ADAM10: variants seen among roughly 807,000 people sequenced by gnomAD.
The protein encoded by ADAM10 is ADAM metallopeptidase domain 10, also known as disintegrin and metalloproteinase domain-containing protein 10.
Under a neutral mutation model 90.1 loss-of-function variants are expected in ADAM10, and 17 were observed. That is an observed-to-expected ratio of 0.19 (90% CI 0.13 to 0.28). The LOEUF (loss-of-function observed/expected upper bound fraction) is 0.28. ADAM10 is among the 10% of genes least tolerant of loss of function. ADAM10 has a pLI of 1.00. For missense variants in ADAM10, 610 were observed against 914.3 expected (o/e 0.67, Z 4.29); for synonymous variants, 310 against 298.6 (o/e 1.04, Z -0.40).
chr15:58,651,710 G>C (rs1896691968), intron 5 of ADAM10, among the ~76,000 whole-genome samples: 1 of 152,176 alleles, frequency 6.6e-6, no homozygotes, highest in Non-Finnish European at 1.5e-5. Context: ...GAACAGTGCA[G>C]CAACAAACAT....
At chr15:58,726,890 A>AGGAGG (rs577917789) in intron 1 of ADAM10, among the ~76,000 whole-genome samples, 19 of 134,804 alleles carry the variant, frequency 1.4e-4, no homozygotes, top group Non-Finnish European at 2.2e-4. Context: ...GGGAGGGGAG[A>AGGAGG]GGAGGGGAGG....
chr15:58,650,758 T>C (rs1418258225), intron 5 of ADAM10, among the ~76,000 whole-genome samples: 1 of 152,190 alleles, frequency 6.6e-6, no homozygotes, highest in Non-Finnish European at 1.5e-5. Context: ...AAAACACGTA[T>C]ATGGAAATAT....
chr15:58,647,263 T>C (rs1262914263), intron 5 of ADAM10, among the ~76,000 whole-genome samples: 1 of 111,744 alleles, frequency 8.9e-6, no homozygotes, highest in Non-Finnish European at 1.9e-5. Context: ...TTTTTTTTTT[T>C]TTTTTTTTTT....
At chr15:58,687,768 CA>C (rs1302140290) in intron 2 of ADAM10, among the ~76,000 whole-genome samples, 1 of 151,966 alleles carries the variant, frequency 6.6e-6, no homozygotes, top group Non-Finnish European at 1.5e-5. Context: ...GTACAAACTT[CA>C]AAAAAATTAT....
chr15:58,598,707 G>A (rs555638995), intron 15 of ADAM10, among the ~76,000 whole-genome samples: 3 of 152,296 alleles, frequency 2.0e-5, no homozygotes, highest in South Asian at 2.1e-4. Flanking sequence ...GAATAGCTAC[G>A]AATACCTTGG....
intron 1 of ADAM10, among the ~76,000 whole-genome samples, chr15:58,728,941 T>C (rs762185241): frequency 6.6e-6 from 1 of 152,168 alleles, no homozygotes; most frequent in Non-Finnish European, 1.5e-5. Flanking sequence ...ACCACAGGTC[T>C]TAAAAGAACA....
intron 8 of ADAM10, among the ~76,000 whole-genome samples, chr15:58,637,476 G>C (rs1429111959): frequency 6.6e-6 from 1 of 152,148 alleles, no homozygotes; most frequent in African/African-American, 2.4e-5. Context: ...AAACACACAA[G>C]AATCCTGTCT....
intron 4 of ADAM10, chr15:58,676,250 A>T: frequency 4.4e-6 from 2 of 455,408 alleles, no homozygotes; most frequent in Non-Finnish European, 8.8e-6. Flanking sequence ...GGAGGTCCAC[A>T]ATCAAGTGAC....
intron 6 of ADAM10, among the ~76,000 whole-genome samples, chr15:58,644,626 G>A (rs573855867): frequency 5.3e-5 from 8 of 152,176 alleles, no homozygotes; most frequent in Admixed American, 3.3e-4. Context: ...TTTCCTATGC[G>A]TAGAGTATCC....
In ADAM10 at chr15:58,706,549, A is replaced by G. The variant is rs189766074; in HGVS notation, c.206+11028T>C. Among the ~76,000 whole-genome samples, 624 of 152,288 alleles carry G rather than the reference A, an allele frequency of 4.1e-3. 7 individuals are homozygous for G. Among genetic ancestry groups the G allele is most frequent in the African/African-American group, 0.014 (573 of 41,558 alleles). The stretch of plus-strand genomic sequence containing the variant: ...TTATCTTCCACTAGTATACTTTTTA[A>G]AATAGAAAAGTCATTTTTTCAAGTT... On this transcript the variant is annotated intron_variant, in intron 2 of 15. Coordinates refer to ENST00000260408, the MANE Select transcript of ADAM10 (RefSeq NM_001110.4).
chr15:58,647,248 A>AGTTTTTTTTTTTTTTTT (rs1896571373), intron 5 of ADAM10, among the ~76,000 whole-genome samples: 1 of 59,602 alleles, frequency 1.7e-5, no homozygotes, highest in Non-Finnish European at 3.6e-5. Context: ...GACACTAAGT[A>AGTTTTTTTTTTTTTTTT]TTTTTTTTTT....
intron 5 of ADAM10, among the ~76,000 whole-genome samples, chr15:58,652,883 G>C (rs1480533545): frequency 6.6e-6 from 1 of 151,878 alleles, no homozygotes; most frequent in Admixed American, 6.6e-5. Context: ...ATTTTTTTCT[G>C]TCTTCTTCGA....
Position 58,636,293 on chromosome 15 carries a change from G to A in ADAM10, c.1013-2934C>T, listed in dbSNP as rs548307407. On this transcript the variant is annotated intron_variant, in intron 8 of 15. Transcript: ENST00000260408. ...CTTCGTTTCAAAAAAAAAAAAAAAG[G>A]AAGTTTAATATTTGTTGCAGGCTAA... 1.3e-3 allele frequency among the ~76,000 whole-genome samples: 196 copies of A among 151,306 alleles called. No homozygotes were observed. The Middle Eastern group carries it at 0.014, about 11-fold the overall frequency.
intron 4 of ADAM10, among the ~76,000 whole-genome samples, chr15:58,673,562 T>C (rs1343476045): frequency 1.3e-5 from 2 of 150,160 alleles, no homozygotes; most frequent in Non-Finnish European, 2.9e-5. Flanking sequence ...TGTATACATA[T>C]ACATACATAT....
At chr15:58,706,738 C>T (rs1251681228) in intron 2 of ADAM10, among the ~76,000 whole-genome samples, 9 of 152,054 alleles carry the variant, frequency 5.9e-5, no homozygotes, top group African/African-American at 2.2e-4. Context: ...CGGCCAGGTA[C>T]GGTGGCTCAT....
chr15:58,697,551 C>T (rs1041547856), intron 2 of ADAM10, among the ~76,000 whole-genome samples: 4 of 152,198 alleles, frequency 2.6e-5, no homozygotes, highest in Admixed American at 2.6e-4. Flanking sequence ...GGTCCCCAAC[C>T]ACATGCACCA....
At chr15:58,612,924 G>A (rs189029562) in intron 11 of ADAM10, among the ~76,000 whole-genome samples, 3 of 152,322 alleles carry the variant, frequency 2.0e-5, no homozygotes, top group Admixed American at 2.0e-4. Flanking sequence ...TAATAGGTTT[G>A]TGAGATCCTG....
Position 58,592,425 on chromosome 15 carries a change from T to C in ADAM10, c.*5122A>G, listed in dbSNP as rs758289338. On this transcript the variant is annotated 3_prime_UTR_variant, in exon 16 of 16. Transcript: ENST00000260408. ...TTCAATCTCTTGCAGATATTATCCT[T>C]GCTGATGCTAAAGTTATCTCAGCCT... The C allele has an allele frequency of 6.6e-6, 1 of 152,234 alleles. No homozygotes were observed. Among genetic ancestry groups the C allele is most frequent in the Non-Finnish European group, 1.5e-5 (1 of 68,036 alleles). 9.4% of individuals were successfully genotyped at this position (152,234 alleles called of 1,614,324 possible). A position where few individuals can be genotyped will look rare whatever the true frequency, so the allele number is the denominator to read the frequency against.
At position 58,643,815 on chromosome 15, in the gene ADAM10, T is replaced by TTGTG. The variant is rs1350926043; in HGVS notation, c.828+67_828+70dup. 29 of 1,159,152 alleles carry TTGTG rather than the reference T, an allele frequency of 2.5e-5. No homozygotes were observed. In the South Asian group the frequency reaches 3.4e-4, roughly 13 times the overall value. 71.8% of individuals were successfully genotyped at this position (1,159,152 alleles called of 1,614,324 possible). On this transcript the variant is annotated intron_variant, in intron 7 of 15. Transcript: ENST00000260408. Reference sequence around the variant, plus strand: ...TAAAGATAAAATTAAAAGCAAGCTTTTGTGTGTGTGTGTAAACATAGTCTG... The same window carrying TTGTG: ...TAAAGATAAAATTAAAAGCAAGCTTTTGTGTGTGTGTGTGTGTAAACATAGTCTG...
Sources: allele counts gnomAD v4.1 joint callset (sites outside exome capture counted in the v4.1 genomes callset), GRCh38; gene constraint gnomAD v4.1.1; transcripts MANE v1.5; gene names NCBI Gene and HGNC (gene_info 2026-07-23, HGNC 2026-07-21).